RMDN2: variants seen among roughly 807,000 people sequenced by gnomAD.
RMDN2 encodes the protein regulator of microtubule dynamics 2, also known as regulator of microtubule dynamics protein 2.
In RMDN2, 61 loss-of-function variants were observed where a neutral mutation model predicts 52.8. The ratio of observed to expected loss-of-function variants is 1.16; its 90% CI spans 0.94 to 1.43. The LOEUF is 1.43. RMDN2 is among the 40% of genes most tolerant of loss of function. RMDN2 has a pLI of 0.00. For synonymous variants in RMDN2, 180 were observed against 153.1 expected (o/e 1.18, Z -1.30); for missense variants, 592 against 475.3 (o/e 1.25, Z -2.28).
intron 2 of RMDN2, among the ~76,000 whole-genome samples, chr2:37,947,738 T>C (rs1322526671): frequency 6.6e-6 from 1 of 152,220 alleles, no homozygotes; most frequent in African/African-American, 2.4e-5. Context: ...CATTTTTCAA[T>C]AGCTGAATTC....
At chr2:37,970,372 A>G (rs912738311) in intron 2 of RMDN2, among the ~76,000 whole-genome samples, 5 of 152,170 alleles carry the variant, frequency 3.3e-5, no homozygotes, top group Non-Finnish European at 7.3e-5. Flanking sequence ...CTGTGCTTGT[A>G]ATTTCTAGTA....
downstream of RMDN2, among the ~76,000 whole-genome samples, chr2:38,021,593 C>T (rs1414160046): frequency 6.6e-6 from 1 of 152,144 alleles, no homozygotes; most frequent in East Asian, 1.9e-4. Flanking sequence ...GACACGCCGC[C>T]TTTGAGAACT....
intron 2 of RMDN2, among the ~76,000 whole-genome samples, chr2:37,949,325 T>C (rs772349831): frequency 6.6e-6 from 1 of 152,216 alleles, no homozygotes; most frequent in African/African-American, 2.4e-5. Flanking sequence ...GCAGATTTGC[T>C]TACTACTTGC....
chr2:37,997,502 C>T lies in RMDN2; in HGVS notation c.1032C>T (p.His344=). 1 of 1,606,460 alleles carries T rather than the reference C, an allele frequency of 6.2e-7. No homozygotes were observed. The highest frequency in any genetic ancestry group is 8.5e-7 in the Non-Finnish European group (1 of 1,173,108). The change falls in exon 8 of 11, where the codon CAC becomes CAT. Residue 344 remains histidine (H), a synonymous_variant. Coordinates refer to ENST00000354545, the MANE Select transcript of RMDN2 (RefSeq NM_001170791.3). ...IPSSTVQEAL[H]NFLKAEELCP... is the part of the protein sequence containing the mutation. Reference sequence around the variant, plus strand: ...CTTCAACTGTACAAGAAGCTTTACACAATTTCCTTAAGGTACATTTTGTGT... The same window carrying T: ...CTTCAACTGTACAAGAAGCTTTACATAATTTCCTTAAGGTACATTTTGTGT...
intron 10 of RMDN2, among the ~76,000 whole-genome samples, chr2:38,026,340 C>T (rs865848410): frequency 2.0e-5 from 3 of 152,060 alleles, no homozygotes; most frequent in East Asian, 1.9e-4. Flanking sequence ...TGTGTTTTCC[C>T]TATTTCCTGT....
chr2:37,995,410 TAA>T (rs966515013), intron 7 of RMDN2, among the ~76,000 whole-genome samples: 19 of 151,944 alleles, frequency 1.3e-4, no homozygotes, highest in Non-Finnish European at 2.5e-4. Context: ...TATCTAGAGA[TAA>T]AGAGTGTAAC....
intron 10 of RMDN2, among the ~76,000 whole-genome samples, chr2:38,026,180 T>C (rs912389382): frequency 3.3e-5 from 5 of 152,152 alleles, no homozygotes; most frequent in Non-Finnish European, 5.9e-5. Flanking sequence ...TGATCTTTGG[T>C]AGTTTGTATC....
chr2:38,062,501 T>C (rs1025429862), intron 10 of RMDN2, among the ~76,000 whole-genome samples: 1 of 152,220 alleles, frequency 6.6e-6, no homozygotes, highest in African/African-American at 2.4e-5. Flanking sequence ...GTTTTCAGTA[T>C]GAAGTCATGA....
intron 2 of RMDN2, among the ~76,000 whole-genome samples, chr2:37,960,213 C>G (rs543357107): frequency 3.3e-5 from 5 of 152,018 alleles, no homozygotes; most frequent in African/African-American, 1.2e-4. Flanking sequence ...TTTTCTGTCT[C>G]GTTGATCTGT....
chr2:37,989,483 C>A, intron 5 of RMDN2, 58 bp from the exon 6 acceptor site: 2 of 1,060,142 alleles, frequency 1.9e-6, no homozygotes, highest in East Asian at 2.4e-5. Flanking sequence ...GTTTTGGTGG[C>A]ATTTTGTTAA....
intron 10 of RMDN2, among the ~76,000 whole-genome samples, chr2:38,049,416 G>C (rs1223004207): frequency 6.6e-6 from 1 of 152,154 alleles, no homozygotes; most frequent in African/African-American, 2.4e-5. Context: ...ACTTCTCCCA[G>C]ACCTTCAAAT....
chr2:37,934,050 A>G (rs1267494693), intron 2 of RMDN2, among the ~76,000 whole-genome samples: 3 of 152,190 alleles, frequency 2.0e-5, no homozygotes, highest in Admixed American at 1.3e-4. Flanking sequence ...AGTGTCCTTG[A>G]TAGCAAAAAT....
At chr2:37,958,529 G>A (rs913550762) in intron 2 of RMDN2, among the ~76,000 whole-genome samples, 1 of 150,940 alleles carries the variant, frequency 6.6e-6, no homozygotes, top group East Asian at 1.9e-4. Context: ...AGCTTAAGGA[G>A]TTTTGGGGCT....
Position 37,980,452 on chromosome 2 carries a change from C to T in RMDN2, c.731-831C>T, listed in dbSNP as rs576545150. 6.6e-5 allele frequency among the ~76,000 whole-genome samples: 10 copies of T among 152,086 alleles called. No homozygotes were observed. The East Asian group carries it at 1.7e-3, about 27-fold the overall frequency. On this transcript the variant is annotated intron_variant, in intron 4 of 10. Coordinates refer to ENST00000354545, the MANE Select transcript of RMDN2 (RefSeq NM_001170791.3). ...CTGAGTAGCTGGGATTACAGGCATG[C>T]ACCACCACGCCCAGCTAATTTTTGT... is the stretch of plus-strand genomic sequence containing the variant.
At position 38,001,657 on chromosome 2, in the gene RMDN2, A is replaced by G. The variant is rs532000386; in HGVS notation, c.1045-2334A>G. Among the ~76,000 whole-genome samples, 4 of 152,370 alleles carry G rather than the reference A, an allele frequency of 2.6e-5. No individual in the cohort carries two copies. In the South Asian group the frequency reaches 8.3e-4, roughly 32 times the overall value. ...TACACTGGGGCAAGTTATCCCCAAT[A>G]TGGGATTCGGACAGAGCTGAGGCAA... On this transcript the variant is annotated intron_variant, in intron 8 of 10. Coordinates refer to ENST00000354545, the MANE Select transcript of RMDN2 (RefSeq NM_001170791.3).
At chr2:37,998,038 TA>T (rs2125165728) in intron 8 of RMDN2, 1 of 162,186 alleles carries the variant, frequency 6.2e-6, no homozygotes, top group East Asian at 1.9e-4. Context: ...TTAAAATGTA[TA>T]ATCGCTGTAC....
At chr2:37,925,461 C>T (rs990612424) in intron 1 of RMDN2, 36 bp downstream of exon 1, 3 of 152,592 alleles carry the variant, frequency 2.0e-5, no homozygotes, top group Admixed American at 2.0e-4. Flanking sequence ...TGCTCAGCCG[C>T]TGGGGGCCGG....
chr2:38,048,457 G>A (rs1446119022), intron 10 of RMDN2, among the ~76,000 whole-genome samples: 2 of 152,198 alleles, frequency 1.3e-5, no homozygotes, highest in Non-Finnish European at 2.9e-5. Context: ...GAAGCTTTCA[G>A]GATTACCTGT....
intron 10 of RMDN2, among the ~76,000 whole-genome samples, chr2:38,022,984 T>G (rs1485579283): frequency 6.6e-6 from 1 of 152,202 alleles, no homozygotes; most frequent in African/African-American, 2.4e-5. Context: ...CGGGGCTGTT[T>G]ATGTTTAATT....
Sources: gnomAD v4.1 joint callset for allele counts (sites outside exome capture counted in the v4.1 genomes callset) on GRCh38, gnomAD v4.1.1 for gene constraint, MANE v1.5 for transcripts, NCBI Gene and HGNC (gene_info 2026-07-23, HGNC 2026-07-21) for gene names.